The following IL1RAPL2 variants were observed in gnomAD, a reference collection of about 807,000 sequenced individuals.
The protein encoded by IL1RAPL2 is interleukin 1 receptor accessory protein like 2.
IL1RAPL2 carries 3 observed loss-of-function variants against 44.1 expected under a neutral mutation model. That is an observed-to-expected ratio of 0.07 (90% CI 0.03 to 0.18). The LOEUF (loss-of-function observed/expected upper bound fraction) is 0.18. Among genes scored for constraint, IL1RAPL2 ranks in the 10% least tolerant of loss-of-function variants. IL1RAPL2 has a pLI of 1.00. For synonymous variants in IL1RAPL2, 181 were observed against 178.8 expected, an observed-to-expected ratio of 1.01 and a Z score of -0.10; for missense variants, 391 against 496.4, an observed-to-expected ratio of 0.79 and a Z score of 2.02.
chrX:105,750,441 T>TTTATTATTA (rs199583433), intron 9 of IL1RAPL2, among the ~76,000 whole-genome samples: 2,330 of 91,523 alleles, frequency 0.025, 110 homozygotes, highest in African/African-American at 0.094. Flanking sequence ...GCCTGGCCAA[T>TTTATTATTA]TTATTATTAT....
intron 2 of IL1RAPL2, among the ~76,000 whole-genome samples, chrX:104,908,700 A>T (rs1392504314): frequency 4.5e-5 from 5 of 110,027 alleles, no homozygotes; most frequent in African/African-American, 6.6e-5. Flanking sequence ...CTTCCCTTTG[A>T]GGGTAACCCG....
chrX:105,219,760 T>G, intron 3 of IL1RAPL2: 2 of 1,196,874 alleles, frequency 1.7e-6, no homozygotes, highest in Non-Finnish European at 2.2e-6. Flanking sequence ...CACCAGCTCC[T>G]GGAGAGAAGT....
intron 2 of IL1RAPL2, among the ~76,000 whole-genome samples, chrX:104,939,637 T>G (rs971484214): frequency 3.6e-5 from 4 of 111,776 alleles, no homozygotes; most frequent in African/African-American, 1.3e-4. Context: ...AACAAAAAAT[T>G]CCATGGGAAT....
chrX:104,730,443 A>G (rs1189214021), intron 2 of IL1RAPL2, among the ~76,000 whole-genome samples: 1 of 93,299 alleles, frequency 1.1e-5, no homozygotes, highest in Non-Finnish European at 2.1e-5. Flanking sequence ...TCATTGTTCA[A>G]TTCCCATCTA....
At chrX:104,815,689 C>G (rs1351995324) in intron 2 of IL1RAPL2, among the ~76,000 whole-genome samples, 6 of 111,472 alleles carry the variant, frequency 5.4e-5, no homozygotes, top group Non-Finnish European at 5.6e-5. Flanking sequence ...TGATTTAAGA[C>G]ATAGTATAAG....
chrX:105,590,859 T>TTGTGTG lies in IL1RAPL2; in HGVS notation c.772+106494_772+106499dup, dbSNP rs60004058. On this transcript the variant is annotated intron_variant, in intron 6 of 10. Transcript: ENST00000372582. ...TGTGTGTGTGTGTGTTTGTGTGTGTTTGTGTGTGTGTGTGTGTGTGTGTGT... is the reference window on the plus strand; with the variant it reads ...TGTGTGTGTGTGTGTTTGTGTGTGTTTGTGTGTGTGTGTGTGTGTGTGTGTGTGTGT... Among the ~76,000 whole-genome samples, 777 of 88,294 alleles carry TTGTGTG rather than the reference T, an allele frequency of 8.8e-3. 10 individuals carry two copies. Among genetic ancestry groups the TTGTGTG allele is most frequent in the African/African-American group, 0.03 (747 of 24,529 alleles). The allele number at this position is 88,294 out of a possible 115,157, so 76.7% of individuals were successfully genotyped here.
At chrX:104,756,248 C>T (rs5917138) in intron 2 of IL1RAPL2, among the ~76,000 whole-genome samples, 7 of 110,082 alleles carry the variant, frequency 6.4e-5, no homozygotes, top group Non-Finnish European at 1.1e-4. Context: ...TGTGTTGTTT[C>T]GAAGGAATGT....
chrX:105,007,598 G>A (rs925463002), intron 2 of IL1RAPL2, among the ~76,000 whole-genome samples: 2 of 111,574 alleles, frequency 1.8e-5, no homozygotes, highest in African/African-American at 6.5e-5. Context: ...TTCTTCCAAT[G>A]CTAAGATTCT....
intron 6 of IL1RAPL2, among the ~76,000 whole-genome samples, chrX:105,590,836 TG>T (rs1569456751): frequency 3.9e-5 from 4 of 102,433 alleles, no homozygotes; most frequent in African/African-American, 1.6e-4. Flanking sequence ...TGTGTGTGTG[TG>T]TGTGTGTGTG....
At chrX:105,075,679 T>C (rs1402132746) in intron 2 of IL1RAPL2, among the ~76,000 whole-genome samples, 1 of 112,074 alleles carries the variant, frequency 8.9e-6, no homozygotes, top group Non-Finnish European at 1.9e-5. Flanking sequence ...TCCTGGACTT[T>C]TTTTGGTTGG....
intron 6 of IL1RAPL2, among the ~76,000 whole-genome samples, chrX:105,490,688 T>C (rs1315926996): frequency 8.9e-6 from 1 of 112,456 alleles, no homozygotes; most frequent in Non-Finnish European, 1.9e-5. Context: ...TTTATGTTTT[T>C]TATAAAACAT....
At chrX:105,388,356 ATTTT>A (rs772573698) in intron 5 of IL1RAPL2, among the ~76,000 whole-genome samples, 5 of 61,258 alleles carry the variant, frequency 8.2e-5, no homozygotes, top group African/African-American at 4.1e-4. Flanking sequence ...ACCAAAGCAG[ATTTT>A]TTTTTTTTTT....
intron 2 of IL1RAPL2, among the ~76,000 whole-genome samples, chrX:104,867,079 C>CA (rs1285554592): frequency 3.0e-4 from 32 of 107,371 alleles, no homozygotes; most frequent in South Asian, 4.1e-4. Flanking sequence ...ACTAAAAATA[C>CA]AAAAAAAATT....
intron 2 of IL1RAPL2, among the ~76,000 whole-genome samples, chrX:105,057,395 G>T (rs936395303): frequency 1.8e-5 from 2 of 111,903 alleles, no homozygotes; most frequent in African/African-American, 3.2e-5. Flanking sequence ...TAAGGAAAAG[G>T]CACTTTATTT....
intron 6 of IL1RAPL2, among the ~76,000 whole-genome samples, chrX:105,520,082 G>T (rs1397360906): frequency 1.8e-5 from 2 of 111,661 alleles, no homozygotes; most frequent in Admixed American, 9.5e-5. Flanking sequence ...GTCTGACAAG[G>T]CTCTTTTGAT....
intron 5 of IL1RAPL2, among the ~76,000 whole-genome samples, chrX:105,321,757 A>G (rs1234929822): frequency 8.9e-6 from 1 of 112,765 alleles, no homozygotes; most frequent in Non-Finnish European, 1.9e-5. Context: ...GAGAAGAAAA[A>G]TAGGTCTGGA....
intron 2 of IL1RAPL2, among the ~76,000 whole-genome samples, chrX:104,735,789 A>T (rs1932002436): frequency 9.0e-6 from 1 of 111,494 alleles, no homozygotes; most frequent in Non-Finnish European, 1.9e-5. Flanking sequence ...TCAAACTATG[A>T]TGCACAATGA....
intron 1 of IL1RAPL2, among the ~76,000 whole-genome samples, chrX:104,625,583 CTG>C (rs1929488981): frequency 9.0e-6 from 1 of 111,444 alleles, no homozygotes; most frequent in African/African-American, 3.3e-5. Flanking sequence ...CCTTGTCTAT[CTG>C]TGTCAGGCTC....
At chrX:105,214,874 C>G (rs895324796) in intron 3 of IL1RAPL2, among the ~76,000 whole-genome samples, 15 of 111,658 alleles carry the variant, frequency 1.3e-4, no homozygotes, top group African/African-American at 4.9e-4. Flanking sequence ...GGGTAAATAA[C>G]GAAATTATGG....
Sources: allele counts gnomAD v4.1 joint callset (sites outside exome capture counted in the v4.1 genomes callset), GRCh38; gene constraint gnomAD v4.1.1; transcripts MANE v1.5; gene names NCBI Gene and HGNC (gene_info 2026-07-23, HGNC 2026-07-21).